AFF1: variants seen among roughly 807,000 people sequenced by gnomAD.
The protein encoded by AFF1 is AF4/FMR2 family member 1.
AFF1 carries 48 observed loss-of-function variants against 121.7 expected under a neutral mutation model. The observed-to-expected ratio is 0.39, with a 90% CI of 0.31 to 0.50. The LOEUF (loss-of-function observed/expected upper bound fraction) is 0.50, where lower values mean the gene tolerates loss of function less well. Among genes scored for constraint, AFF1 ranks in the 20% least tolerant of loss-of-function variants. The pLI, the probability that AFF1 is intolerant of heterozygous loss-of-function variation, is 0.76. For synonymous variants in AFF1, 613 were observed against 563.0 expected, an observed-to-expected ratio of 1.09 and a Z score of -1.26; for missense variants, 1,523 against 1,511.7, an observed-to-expected ratio of 1.01 and a Z score of -0.12.
chr4:86,975,293 C>T (rs1049430377), intron 2 of AFF1, among the ~76,000 whole-genome samples: 5 of 152,138 alleles, frequency 3.3e-5, no homozygotes, highest in Admixed American at 6.5e-5. Context: ...CTCTGTTACC[C>T]AGGCTGGAGT....
chr4:87,010,166 A>G (rs1726589816), intron 2 of AFF1, among the ~76,000 whole-genome samples: 1 of 152,214 alleles, frequency 6.6e-6, no homozygotes, highest in African/African-American at 2.4e-5. Context: ...GGACTTTTAT[A>G]AATTAAGGCT....
chr4:86,977,109 A>G (rs747107615), intron 2 of AFF1, among the ~76,000 whole-genome samples: 31 of 152,196 alleles, frequency 2.0e-4, no homozygotes, highest in Non-Finnish European at 1.8e-4. Context: ...CTGTTTTTCA[A>G]ATACAGTAAG....
rs34865826 is a variant in AFF1, at chr4:86,980,660, GA to G, written c.38+32096del. 9.2e-5 allele frequency among the ~76,000 whole-genome samples: 14 copies of G among 152,064 alleles called. No homozygotes were observed. In the South Asian group the frequency reaches 1.9e-3, roughly 20 times the overall value. ...AATAATGCTACCTTTAGTAAGGGTA[GA>G]AAAAAATGAAAATGTGCATTCATTT... On this transcript the variant is annotated intron_variant, in intron 2 of 20. Transcript: ENST00000395146.
chr4:87,016,235 G>A (rs1727283656), intron 2 of AFF1, among the ~76,000 whole-genome samples: 1 of 151,828 alleles, frequency 6.6e-6, no homozygotes, highest in South Asian at 2.1e-4. Context: ...TTGAATCGAG[G>A]TACGTTCCTT....
chr4:87,089,893 A>G, intron 5 of AFF1, 91 bp from the exon 6 acceptor site: 1 of 926,002 alleles, frequency 1.1e-6, no homozygotes, highest in Non-Finnish European at 1.7e-6. Context: ...ATTTATGATC[A>G]ATCCATTCTA....
chr4:86,970,047 C>T (rs1337217964), intron 2 of AFF1, among the ~76,000 whole-genome samples: 1 of 151,734 alleles, frequency 6.6e-6, no homozygotes, highest in African/African-American at 2.4e-5. Flanking sequence ...AAAGGGGGTG[C>T]ACCAACTCCA....
At chr4:87,021,249 G>A (rs1727870797) in intron 2 of AFF1, among the ~76,000 whole-genome samples, 1 of 152,164 alleles carries the variant, frequency 6.6e-6, no homozygotes, top group Non-Finnish European at 1.5e-5. Flanking sequence ...AAGTACTAAA[G>A]TTTTAAATGG....
intron 1 of AFF1, among the ~76,000 whole-genome samples, chr4:86,940,705 A>C (rs115549443): frequency 6.6e-6 from 1 of 151,850 alleles, no homozygotes; most frequent in East Asian, 1.9e-4. Flanking sequence ...TGGCCTTCCT[A>C]ATCTTTTATA....
At chr4:87,060,775 G>A (rs952842768) in intron 4 of AFF1, among the ~76,000 whole-genome samples, 1 of 138,256 alleles carries the variant, frequency 7.2e-6, no homozygotes, top group African/African-American at 2.7e-5. Flanking sequence ...GGAGGCGGAG[G>A]TTGCAGTGAG....
chr4:87,126,414 A>G, intron 14 of AFF1, 78 bp downstream of exon 14: 1 of 1,375,072 alleles, frequency 7.3e-7, no homozygotes, highest in Non-Finnish European at 1.0e-6. Context: ...ACAAGTTGCT[A>G]GTGATGGCAC....
chr4:87,089,925 T>G, intron 5 of AFF1, 59 bp from the exon 6 acceptor site: 1 of 1,256,274 alleles, frequency 8.0e-7, no homozygotes, highest in Non-Finnish European at 1.2e-6. Context: ...AAATGTTAAG[T>G]AGCAATGAAT....
At chr4:87,061,739 T>C (rs544383771) in intron 4 of AFF1, among the ~76,000 whole-genome samples, 1 of 152,336 alleles carries the variant, frequency 6.6e-6, no homozygotes, top group Admixed American at 6.5e-5. Context: ...ATTCAAGCAT[T>C]TCTTTATCTG....
In AFF1 at chr4:87,114,719, A is replaced by T. The variant is rs776207634; in HGVS notation, c.1886A>T (p.Gln629Leu). ...CGGGCAGGTTCACGGACCAGCCTGC[A>T]GGGGGAAAGGGAGCCAGGGCTTCTT... ...SARAGSRTSL[Q>L]GEREPGLLPY... The change falls in exon 12 of 21, where the codon CAG becomes CTG. Residue 629 changes from glutamine to leucine, a missense_variant. Physicochemically the swap from Gln to Leu is moderately radical, Grantham distance 113. This residue lies in a region of AFF1 where 905 missense variants were observed against 842.5 expected (regional missense o/e 1.07). Coordinates refer to ENST00000395146, the MANE Select transcript of AFF1 (RefSeq NM_001166693.3). 3 of 1,613,930 alleles carry T rather than the reference A, an allele frequency of 1.9e-6. No homozygotes were observed. The South Asian group carries it at 3.3e-5, about 18-fold the overall frequency.
At chr4:87,026,607 TTAG>T (rs1728563251) in intron 2 of AFF1, among the ~76,000 whole-genome samples, 1 of 151,874 alleles carries the variant, frequency 6.6e-6, no homozygotes, top group African/African-American at 2.4e-5. Flanking sequence ...GGAGGGCCCG[TTAG>T]TAGGGAACTG....
chr4:87,055,476 T>G (rs769702008), intron 4 of AFF1, among the ~76,000 whole-genome samples: 11 of 152,212 alleles, frequency 7.2e-5, no homozygotes, highest in Non-Finnish European at 1.3e-4. Context: ...CCTCCTTGTT[T>G]TCACACTTGA....
chr4:87,132,532 T>C lies in AFF1; in HGVS notation c.3311+124T>C, dbSNP rs181201757. 4 of 901,084 alleles carry C rather than the reference T, an allele frequency of 4.4e-6. No homozygotes were observed. The Admixed American group carries it at 1.4e-4, about 31-fold the overall frequency. 55.8% of individuals were successfully genotyped at this position (901,084 alleles called of 1,614,324 possible). A position where few individuals can be genotyped will look rare whatever the true frequency, so the allele number is the denominator to read the frequency against. ...GCCTTTTCAAAAATTGTTGGCTTCA[T>C]CTGTTTGCTGGTTGCTCCTAAATTT... On this transcript the variant is annotated intron_variant, in intron 19 of 20. Coordinates refer to ENST00000395146, the MANE Select transcript of AFF1 (RefSeq NM_001166693.3).
chr4:86,966,763 C>T (rs924044721), intron 2 of AFF1, among the ~76,000 whole-genome samples: 3 of 152,106 alleles, frequency 2.0e-5, no homozygotes, highest in Non-Finnish European at 2.9e-5. Context: ...TTAATCATTC[C>T]TCCTCTTCTG....
intron 2 of AFF1, among the ~76,000 whole-genome samples, chr4:86,964,414 C>T (rs532344876): frequency 6.4e-4 from 95 of 148,930 alleles, no homozygotes; most frequent in African/African-American, 2.3e-3. Context: ...CGCACCCAGC[C>T]GCCTGGGTTG....
chr4:87,079,356 G>A (rs1035529007), intron 4 of AFF1, among the ~76,000 whole-genome samples: 2 of 152,190 alleles, frequency 1.3e-5, no homozygotes, highest in Admixed American at 6.5e-5. Flanking sequence ...GTATCAGTGC[G>A]TTTCCTTACA....
Sources: gnomAD v4.1 joint callset for allele counts (sites outside exome capture counted in the v4.1 genomes callset) on GRCh38, gnomAD v4.1.1 for gene constraint, gnomAD v4.1.1 regional missense constraint, MANE v1.5 for transcripts, NCBI Gene and HGNC (gene_info 2026-07-23, HGNC 2026-07-21) for gene names.